The following COX11 variants were observed in gnomAD, a reference collection of about 807,000 sequenced individuals.
COX11 encodes cytochrome c oxidase copper chaperone COX11.
Under a neutral mutation model 29.4 loss-of-function variants are expected in COX11, and 18 were observed. That is an observed-to-expected ratio of 0.61 (90% confidence interval 0.42 to 0.91). The LOEUF (loss-of-function observed/expected upper bound fraction) is 0.91, where lower values mean the gene tolerates loss of function less well. Among genes scored for constraint, COX11 ranks in the 40% least tolerant of loss-of-function variants. COX11 has a pLI of 0.00. For synonymous variants in COX11, 131 were observed against 124.0 expected (o/e 1.06, Z -0.38); for missense variants, 312 against 346.0 (o/e 0.90, Z 0.78).
chr17:54,966,617 G>T (rs11872021), intron 1 of COX11, among the ~76,000 whole-genome samples: 44,589 of 151,822 alleles, frequency 0.29, 6,843 homozygotes, highest in African/African-American at 0.35. Context: ...TTCACACATC[G>T]CTAAATGTTC....
upstream of COX11, chr17:54,968,741 G>A: frequency 2.8e-6 from 4 of 1,410,634 alleles, no homozygotes; most frequent in South Asian, 1.4e-5. Flanking sequence ...TGAGCCTGCC[G>A]CTGCCTTGGC....
At chr17:54,967,042 G>GCACACACACACA (rs71159276) in intron 1 of COX11, among the ~76,000 whole-genome samples, 48 of 96,120 alleles carry the variant, frequency 5.0e-4, no homozygotes, top group African/African-American at 6.8e-4. Context: ...GCGCGCGCGC[G>GCACACACACACA]CACACACACA....
In COX11 at chr17:54,962,601, A is replaced by C; in HGVS notation, c.*132T>G. On this transcript the variant is annotated 3_prime_UTR_variant, in exon 4 of 4. Coordinates refer to ENST00000299335, the MANE Select transcript of COX11 (RefSeq NM_004375.5). ...TTGTTCTCTCAAGTTTAAGTGAAAA[A>C]AATTAGTTGAGAAAAAATAATTATT... The C allele has an allele frequency of 7.4e-7, 1 of 1,356,362 alleles. No homozygotes were observed. Among genetic ancestry groups the C allele is most frequent in the Non-Finnish European group, 9.5e-7 (1 of 1,048,320 alleles). 84.0% of individuals were successfully genotyped at this position (1,356,362 alleles called of 1,614,324 possible).
At chr17:54,953,831 G>A (rs1306985865) in exon 1 of COX11, 1 of 152,176 alleles carries the variant, frequency 6.6e-6, no homozygotes, top group African/African-American at 2.4e-5. Context: ...AGTTTTCTCT[G>A]AATATCTGGG....
At position 54,962,663 on chromosome 17, in the gene COX11, T is replaced by C. The variant is rs1398293530; in HGVS notation, c.*70A>G. ...CCTTCATATTATTGTACAATATTTCTCCTTTGAGAAGATAGGATATATGAT... is the reference window on the plus strand; with the variant it reads ...CCTTCATATTATTGTACAATATTTCCCCTTTGAGAAGATAGGATATATGAT... On this transcript the variant is annotated 3_prime_UTR_variant, in exon 4 of 4. Transcript: ENST00000299335. 1 of 1,530,122 alleles carries C rather than the reference T, an allele frequency of 6.5e-7. No homozygotes were observed. The highest frequency in any genetic ancestry group is 1.4e-5 in the African/African-American group (1 of 71,188). The allele number at this position is 1,530,122 out of a possible 1,614,324, so 94.8% of individuals were successfully genotyped here.
chr17:54,963,126 A>G (rs2077159096), intron 3 of COX11, 180 bp downstream of exon 3: 1 of 792,144 alleles, frequency 1.3e-6, no homozygotes, highest in South Asian at 2.0e-5. Context: ...TTAAAAGCAG[A>G]TATCCATTTG....
chr17:54,956,802 T>C (rs1329513119), downstream of COX11: 1 of 152,124 alleles, frequency 6.6e-6, no homozygotes, highest in Admixed American at 6.6e-5. Flanking sequence ...GCACCGGGCA[T>C]AGTCTCCAAA....
chr17:54,962,774 CT>C lies in COX11; in HGVS notation c.789del (p.Ala264GlnfsTer18), dbSNP rs1365256765. The C allele has an allele frequency of 3.7e-6, 6 of 1,612,406 alleles. No homozygotes were observed. Among genetic ancestry groups the C allele is most frequent in the Non-Finnish European group, 5.1e-6 (6 of 1,179,200 alleles). ...DLITLSYTFF[E>X]AKEGHKLPVP... is the part of the protein sequence containing the mutation. ...ACTGGCAACTTGTGCCCTTCCTTTG[CT>C]TCAAAAAAAGTGTAAGAAAGAGTGA... On this transcript the variant is annotated frameshift_variant, in exon 4 of 4. Transcript: ENST00000299335. LOFTEE classifies it high-confidence loss of function.
intron 1 of COX11, 98 bp from the exon 2 acceptor site, chr17:54,964,950 T>C: frequency 8.2e-6 from 10 of 1,219,712 alleles, no homozygotes; most frequent in Non-Finnish European, 1.1e-5. Flanking sequence ...TTATAATCCA[T>C]TTGGAGCCAA....
At chr17:54,959,211 G>A (rs901645253), downstream of COX11, 5 of 152,120 alleles carry the variant, frequency 3.3e-5, no homozygotes, top group East Asian at 1.9e-4. Context: ...GTTTCATAGC[G>A]CTGTGATTTT....
downstream of COX11, chr17:54,959,272 G>A (rs1275592394): frequency 6.6e-6 from 1 of 152,124 alleles, no homozygotes; most frequent in Non-Finnish European, 1.5e-5. Flanking sequence ...TGAATGTTGT[G>A]CTTTCAGGTA....
In COX11 at chr17:54,964,789, G is replaced by C; in HGVS notation, c.430C>G (p.Pro144Ala). The C allele has an allele frequency of 6.2e-7, 1 of 1,613,678 alleles. No individual in the cohort carries two copies. Among genetic ancestry groups the C allele is most frequent in the Non-Finnish European group, 8.5e-7 (1 of 1,179,884 alleles). ...ATTTTAATGATTCGATCTTTAACAG[G>C]CACCATGTTTTCAATCTTGTCTGAG... ...HASDKIENMV[P>A]VKDRIIKISF... Residue 144 changes from proline (P) to alanine (A), a missense_variant, in exon 2 of 4, where the codon CCT (proline) becomes GCT (alanine). This residue lies in a region of COX11 where 182 missense variants were observed against 240.0 expected (regional missense o/e 0.76). Transcript: ENST00000299335.
chr17:54,961,139 A>G lies in COX11; in HGVS notation c.*1594T>C. The G allele has an allele frequency of 1.2e-6, 1 of 864,110 alleles. No individual in the cohort carries two copies. Among genetic ancestry groups the G allele is most frequent in the African/African-American group, 1.7e-5 (1 of 59,322 alleles). The allele number at this position is 864,110 out of a possible 1,614,324, so 53.5% of individuals were successfully genotyped here. A position where few individuals can be genotyped will look rare whatever the true frequency, so the allele number is the denominator to read the frequency against. Reference sequence around the variant, plus strand: ...CTTACCTTTCTTCTACTAGACTGTGACTCTCCAGCTTCCCAGTAAAGACAA... The same window carrying G: ...CTTACCTTTCTTCTACTAGACTGTGGCTCTCCAGCTTCCCAGTAAAGACAA... On this transcript the variant is annotated 3_prime_UTR_variant, in exon 4 of 4. Transcript: ENST00000299335.
chr17:54,964,923 TAA>T, intron 1 of COX11, 71 bp from the exon 2 acceptor site: 1 of 1,458,426 alleles, frequency 6.9e-7, no homozygotes, highest in East Asian at 2.3e-5. Flanking sequence ...GATAAAAGTT[TAA>T]AAACAATGTA....
Position 54,968,521 on chromosome 17 carries a change from C to G in COX11, c.126G>C (p.Gly42=). 2 of 1,613,348 alleles carry G rather than the reference C, an allele frequency of 1.2e-6. No individual in the cohort carries two copies. The highest frequency in any genetic ancestry group is 1.7e-6 in the Non-Finnish European group (2 of 1,180,004). The part of the protein sequence containing the change: ...VEPFLRPEWS[G]TGGAERGLRW... ...TCAGTCCTCTCTCGGCACCTCCTGT[C>G]CCACTCCACTCTGGCCTAAGAAACG... Residue 42 remains glycine, a synonymous_variant, in exon 1 of 4, where the codon GGG becomes GGC. Coordinates refer to ENST00000299335, the MANE Select transcript of COX11 (RefSeq NM_004375.5).
At chr17:54,968,763 T>A (rs1305352990), upstream of COX11, 3 of 1,251,596 alleles carry the variant, frequency 2.4e-6, no homozygotes, top group Non-Finnish European at 3.3e-6. Context: ...ACCAGGCTCC[T>A]CAGGTGGCAG....
At chr17:54,965,855 C>T (rs1044614420) in intron 1 of COX11, among the ~76,000 whole-genome samples, 1 of 151,356 alleles carries the variant, frequency 6.6e-6, no homozygotes, top group Admixed American at 6.6e-5. Context: ...AACGCCCTTA[C>T]TTCCAAGGTC....
chr17:54,963,990 C>T (rs1027888758), intron 2 of COX11, among the ~76,000 whole-genome samples: 5 of 152,150 alleles, frequency 3.3e-5, no homozygotes, highest in South Asian at 2.1e-4. Context: ...TATACTACCA[C>T]GTAATTGGAG....
Position 54,962,829 on chromosome 17 carries a change from T to C in COX11, c.735A>G (p.Glu245=). ...GATCAACTTTAATCATTCTTGGATC[T>C]TCAGCAAATTCAGGATCAATGTAGA... ...VFFYIDPEFA[E]DPRMIKVDLI... is the part of the protein sequence containing the mutation. The change falls in exon 4 of 4, where the codon GAA becomes GAG. Residue 245 remains glutamate, a synonymous_variant. Transcript: ENST00000299335. 6.2e-7 allele frequency: 1 copy of C among 1,613,164 alleles called. No individual in the cohort carries two copies. The highest frequency in any genetic ancestry group is 1.1e-5 in the South Asian group (1 of 91,040).
Sources: gnomAD v4.1 joint callset for allele counts (sites outside exome capture counted in the v4.1 genomes callset) on GRCh38, gnomAD v4.1.1 for gene constraint, gnomAD v4.1.1 regional missense constraint, MANE v1.5 for transcripts, NCBI Gene and HGNC (gene_info 2026-07-23, HGNC 2026-07-21) for gene names.